The following PVT1 variants were observed in gnomAD, a reference collection of about 807,000 sequenced individuals.
PVT1 encodes the protein CXCR4/PVT1 fusion.
At chr8:127,955,424 C>T (rs1816556700) in intron 3 of PVT1, among the ~76,000 whole-genome samples, 1 of 152,176 alleles carries the variant, frequency 6.6e-6, no homozygotes, top group Admixed American at 6.5e-5. Flanking sequence ...GGCAGTGCCT[C>T]TAACCAAGCC....
chr8:127,819,115 C>T (rs1173485539), intron 2 of PVT1, among the ~76,000 whole-genome samples: 1 of 152,192 alleles, frequency 6.6e-6, no homozygotes, highest in Non-Finnish European at 1.5e-5. Context: ...CCGGGGTAGG[C>T]ACACTGGTAC....
intron 4 of PVT1, among the ~76,000 whole-genome samples, chr8:127,997,044 G>GGTTT (rs1554603119): frequency 1.6e-4 from 13 of 81,584 alleles, no homozygotes; most frequent in Non-Finnish European, 2.0e-4. Context: ...ATTTGCTTTC[G>GGTTT]TTTTTTTTTT....
intron 1 of PVT1, chr8:127,795,633 A>G (rs141237996): frequency 7.0e-6 from 1 of 141,920 alleles, no homozygotes; most frequent in Non-Finnish European, 1.6e-5. Flanking sequence ...TACTGGGGCT[A>G]GTTCCTTGCT....
chr8:127,850,746 C>T (rs1001886448), intron 2 of PVT1, among the ~76,000 whole-genome samples: 10 of 152,168 alleles, frequency 6.6e-5, no homozygotes, highest in African/African-American at 1.7e-4. Flanking sequence ...TGATCAGGAG[C>T]GGTGGCTCAC....
chr8:127,814,321 T>G (rs1366965609), intron 2 of PVT1, among the ~76,000 whole-genome samples: 1 of 152,224 alleles, frequency 6.6e-6, no homozygotes, highest in African/African-American at 2.4e-5. Context: ...TCCAGGAGCC[T>G]GCCTGACGCG....
chr8:128,056,445 A>G (rs1813763544), intron 4 of PVT1, among the ~76,000 whole-genome samples: 1 of 152,250 alleles, frequency 6.6e-6, no homozygotes, highest in African/African-American at 2.4e-5. Context: ...TTGCGTGTAT[A>G]CATAAAATTG....
chr8:127,800,323 G>A (rs118038351), intron 2 of PVT1, among the ~76,000 whole-genome samples: 2,779 of 152,228 alleles, frequency 0.018, 35 homozygotes, highest in Non-Finnish European at 0.027. Flanking sequence ...CCAGCAGGGA[G>A]CAGAAGAGAC....
At position 127,883,023 on chromosome 8, in the gene PVT1, GCA is replaced by G. The variant is rs148594541; in HGVS notation, n.373-7556_373-7555del. Among the ~76,000 whole-genome samples the G allele has an allele frequency of 5.5e-3, 825 of 150,468 alleles. 13 individuals are homozygous for G. The highest frequency in any genetic ancestry group is 0.019 in the African/African-American group (774 of 40,746). Reference sequence around the variant, plus strand: ...TGCACATACACGCACACACATGCCTGCACACACACACTTGCACGCACACATGC... The same window carrying G: ...TGCACATACACGCACACACATGCCTGCACACACACTTGCACGCACACATGC... On this transcript the variant is annotated intron_variant and non_coding_transcript_variant, in intron 2 of 10. Transcript: ENST00000651587.
intron 2 of PVT1, among the ~76,000 whole-genome samples, chr8:127,855,860 G>A (rs1815154555): frequency 6.6e-6 from 1 of 152,242 alleles, no homozygotes; most frequent in African/African-American, 2.4e-5. Flanking sequence ...GCCGGTAGGG[G>A]TGGGGGCCCC....
chr8:127,906,513 G>A (rs1007846370), intron 3 of PVT1, among the ~76,000 whole-genome samples: 3 of 152,160 alleles, frequency 2.0e-5, no homozygotes, highest in Admixed American at 2.0e-4. Context: ...TCAGGCTGTG[G>A]CTGAGCAGAT....
At chr8:128,030,470 G>T (rs1355313314) in intron 4 of PVT1, among the ~76,000 whole-genome samples, 1 of 152,124 alleles carries the variant, frequency 6.6e-6, no homozygotes, top group Admixed American at 6.5e-5. Context: ...AGGCCACCTG[G>T]TATGTTATAA....
chr8:127,942,484 C>T (rs902269007), intron 3 of PVT1, among the ~76,000 whole-genome samples: 3 of 152,156 alleles, frequency 2.0e-5, no homozygotes, highest in Non-Finnish European at 4.4e-5. Flanking sequence ...ACTGATGTCA[C>T]TCACCTCTCC....
At chr8:127,892,273 T>C (rs1815621479) in intron 3 of PVT1, among the ~76,000 whole-genome samples, 1 of 152,230 alleles carries the variant, frequency 6.6e-6, no homozygotes, top group Non-Finnish European at 1.5e-5. Flanking sequence ...ATGTGCAATT[T>C]ACTGGGTTTC....
intron 2 of PVT1, among the ~76,000 whole-genome samples, chr8:127,875,258 C>T (rs887900485): frequency 6.6e-6 from 1 of 152,034 alleles, no homozygotes; most frequent in Non-Finnish European, 1.5e-5. Flanking sequence ...CAGGAGGGTA[C>T]ACAGAGGTGG....
intron 3 of PVT1, among the ~76,000 whole-genome samples, chr8:127,912,900 G>C (rs1350834107): frequency 1.3e-5 from 2 of 152,224 alleles, no homozygotes; most frequent in African/African-American, 4.8e-5. Context: ...GTTTCACCAT[G>C]TTGGCCAGGC....
intron 4 of PVT1, among the ~76,000 whole-genome samples, chr8:128,027,248 C>G (rs1813314327): frequency 6.6e-6 from 1 of 152,166 alleles, no homozygotes; most frequent in African/African-American, 2.4e-5. Context: ...CTGTTGTATT[C>G]CCCGGCAGCA....
chr8:127,885,533 G>A (rs1317534084), intron 2 of PVT1, among the ~76,000 whole-genome samples: 1 of 152,090 alleles, frequency 6.6e-6, no homozygotes, highest in Non-Finnish European at 1.5e-5. Flanking sequence ...GATCAAATAA[G>A]GTATTTTATA....
intron 4 of PVT1, among the ~76,000 whole-genome samples, chr8:128,060,905 CTTTTTTTTTT>C (rs35320355): frequency 8.1e-6 from 1 of 123,630 alleles, no homozygotes; most frequent in Admixed American, 9.2e-5. Context: ...TAGGCAACTA[CTTTTTTTTTT>C]TTTTTTTTTT....
At chr8:128,082,612 T>C (rs1814201669) in intron 5 of PVT1, 1 of 152,196 alleles carries the variant, frequency 6.6e-6, no homozygotes, top group South Asian at 2.1e-4. Flanking sequence ...TGGTGACTGG[T>C]TTAAACTAGA....
Sources: gnomAD v4.1 joint callset for allele counts (sites outside exome capture counted in the v4.1 genomes callset) on GRCh38, gnomAD v4.1.1 for gene constraint, MANE v1.5 for transcripts, NCBI Gene and HGNC (gene_info 2026-07-23, HGNC 2026-07-21) for gene names.